Variants in DYM observed in about 807,000 individuals in gnomAD.
DYM encodes the protein dymeclin, also known as dyggve-Melchior-Clausen syndrome protein.
In DYM, 78 loss-of-function variants were observed where a neutral mutation model predicts 93.1. The observed-to-expected ratio is 0.84, with a 90% CI of 0.70 to 1.01. The LOEUF is 1.01. Ranked by LOEUF, DYM falls within the 50% of genes least tolerant of loss-of-function variation. DYM has a pLI of 0.00. For missense variants in DYM, 789 were observed against 845.0 expected, an observed-to-expected ratio of 0.93 and a Z score of 0.82; for synonymous variants, 321 against 319.7, an observed-to-expected ratio of 1.00 and a Z score of -0.04.
intron 15 of DYM, among the ~76,000 whole-genome samples, chr18:49,154,596 C>T (rs1313776624): frequency 1.3e-5 from 2 of 152,008 alleles, no homozygotes; most frequent in South Asian, 2.1e-4. Flanking sequence ...GGTTTCACCA[C>T]GTTGTTCAGG....
At chr18:49,050,913 A>C (rs879706658) in intron 17 of DYM, among the ~76,000 whole-genome samples, 3 of 152,168 alleles carry the variant, frequency 2.0e-5, no homozygotes, top group Non-Finnish European at 2.9e-5. Context: ...ACGTTTGCTG[A>C]ATGAGGAATT....
intron 6 of DYM, among the ~76,000 whole-genome samples, chr18:49,341,211 C>G (rs1315822976): frequency 1.3e-5 from 2 of 152,172 alleles, no homozygotes; most frequent in African/African-American, 4.8e-5. Flanking sequence ...ATGATAAAGG[C>G]TGGATGTGGT....
intron 6 of DYM, among the ~76,000 whole-genome samples, chr18:49,337,472 GAA>G (rs2063759321): frequency 6.6e-6 from 1 of 152,320 alleles, no homozygotes; most frequent in Admixed American, 6.5e-5. Flanking sequence ...GGAACTATCA[GAA>G]AAGAGGCACT....
chr18:49,238,438 T>C (rs1213901434), intron 13 of DYM, among the ~76,000 whole-genome samples: 2 of 151,616 alleles, frequency 1.3e-5, no homozygotes, highest in Non-Finnish European at 2.9e-5. Flanking sequence ...AATATTATTA[T>C]TTAATATAAT....
intron 16 of DYM, among the ~76,000 whole-genome samples, chr18:49,107,059 C>T (rs371593585): frequency 1.6e-4 from 25 of 152,170 alleles, no homozygotes; most frequent in Admixed American, 1.2e-3. Flanking sequence ...GACGTAGATT[C>T]GGTCTTTTCA....
In DYM at chr18:49,260,145, G is replaced by A. The variant is rs1192454455; in HGVS notation, c.1252-1652C>T. Among the ~76,000 whole-genome samples, 3 of 152,332 alleles carry A rather than the reference G, an allele frequency of 2.0e-5. No individual in the cohort carries two copies. The East Asian group carries it at 5.8e-4, about 29-fold the overall frequency. ...ATGGCAGCTGGGCACAGTGGCTGAT[G>A]TCTGTATTCCCAGCACTTTGGGAGT... On this transcript the variant is annotated intron_variant, in intron 11 of 17. Coordinates refer to ENST00000675505, the MANE Select transcript of DYM (RefSeq NM_001353214.3).
At chr18:49,057,940 G>A (rs2075640020) in intron 17 of DYM, among the ~76,000 whole-genome samples, 1 of 152,200 alleles carries the variant, frequency 6.6e-6, no homozygotes, top group South Asian at 2.1e-4. Context: ...GTGGAGACTG[G>A]AGCTGAAGAC....
chr18:49,343,951 T>TA (rs59054000), intron 6 of DYM, among the ~76,000 whole-genome samples: 37,661 of 135,188 alleles, frequency 0.28, 5,421 homozygotes, highest in African/African-American at 0.41. Flanking sequence ...TACACCACAT[T>TA]AAAAAAAAAA....
chr18:49,451,801 T>C (rs1031849241), intron 1 of DYM, among the ~76,000 whole-genome samples: 5 of 152,256 alleles, frequency 3.3e-5, no homozygotes, highest in Admixed American at 2.0e-4. Context: ...AAGCTTATCA[T>C]ACATTTGTCA....
At chr18:49,272,033 C>A in intron 11 of DYM, 145 bp downstream of exon 11, 3 of 506,986 alleles carry the variant, frequency 5.9e-6, no homozygotes, top group South Asian at 3.6e-5. Flanking sequence ...AGCACCGCTT[C>A]ATAAATCTGA....
chr18:49,249,990 C>G (rs749589832), intron 13 of DYM, among the ~76,000 whole-genome samples: 23 of 152,302 alleles, frequency 1.5e-4, no homozygotes, highest in Middle Eastern at 3.4e-3. Flanking sequence ...ACCCAGAAAG[C>G]TTTCAATAGA....
chr18:49,362,018 C>T (rs2066067073), intron 6 of DYM, among the ~76,000 whole-genome samples: 1 of 138,956 alleles, frequency 7.2e-6, no homozygotes, highest in African/African-American at 2.6e-5. Flanking sequence ...GCCACTGCAT[C>T]CGGCCTAATT....
chr18:49,210,625 T>C (rs2092735031), intron 13 of DYM, among the ~76,000 whole-genome samples: 1 of 152,216 alleles, frequency 6.6e-6, no homozygotes, highest in Non-Finnish European at 1.5e-5. Context: ...TAATGGTGGA[T>C]ACATACATTT....
intron 7 of DYM, 79 bp downstream of exon 7, chr18:49,333,649 A>G: frequency 2.1e-6 from 3 of 1,449,554 alleles, no homozygotes; most frequent in Non-Finnish European, 2.9e-6. Context: ...ATATGGGACG[A>G]TACTCAGGTA....
chr18:49,072,900 C>T (rs1407940092), intron 17 of DYM, among the ~76,000 whole-genome samples: 2 of 152,200 alleles, frequency 1.3e-5, no homozygotes, highest in Admixed American at 1.3e-4. Flanking sequence ...AGACTAGGCT[C>T]TTAAACCTGC....
intron 13 of DYM, among the ~76,000 whole-genome samples, chr18:49,233,080 C>T (rs1389526543): frequency 2.0e-5 from 3 of 152,088 alleles, no homozygotes; most frequent in African/African-American, 7.2e-5. Context: ...ATGTACCTTT[C>T]GGCCAGTGCA....
In DYM at chr18:49,367,687, CAG is replaced by C. The variant is rs1486207735; in HGVS notation, c.422-4456_422-4455del. ...AGTCATTAAAAGAAATGTTAAAAGA[CAG>C]AGTTTTTGTCTTTGTTTTCTTTGCG... On this transcript the variant is annotated intron_variant, in intron 5 of 17. Coordinates refer to ENST00000675505, the MANE Select transcript of DYM (RefSeq NM_001353214.3). 2.6e-5 allele frequency among the ~76,000 whole-genome samples: 4 copies of C among 152,298 alleles called. No individual in the cohort carries two copies. In the East Asian group the frequency reaches 7.7e-4, roughly 29 times the overall value.
In DYM at chr18:49,434,947, C is replaced by T. The variant is rs539217543; in HGVS notation, c.-53-4500G>A. Among the ~76,000 whole-genome samples the T allele has an allele frequency of 2.0e-4, 30 of 152,156 alleles. No homozygotes were observed. In the South Asian group the frequency reaches 6.2e-3, roughly 32 times the overall value. On this transcript the variant is annotated intron_variant, in intron 1 of 17. Coordinates refer to ENST00000675505, the MANE Select transcript of DYM (RefSeq NM_001353214.3). The stretch of plus-strand genomic sequence containing the variant: ...TTTGGGCCAGGTGTGGTAGCTCATG[C>T]CTATAATCCCAGCACTTTAGGAAGC...
At chr18:49,217,934 G>T (rs771445808) in intron 13 of DYM, among the ~76,000 whole-genome samples, 9 of 152,130 alleles carry the variant, frequency 5.9e-5, no homozygotes, top group Non-Finnish European at 8.8e-5. Flanking sequence ...TGGACTAAAT[G>T]CTCCAATTAA....
Sources: gnomAD v4.1 joint callset for allele counts (sites outside exome capture counted in the v4.1 genomes callset) on GRCh38, gnomAD v4.1.1 for gene constraint, MANE v1.5 for transcripts, NCBI Gene and HGNC (gene_info 2026-07-23, HGNC 2026-07-21) for gene names.